SPOPL: variants seen among roughly 807,000 people sequenced by gnomAD.
SPOPL encodes the protein speckle-type POZ protein-like.
In SPOPL, 23 loss-of-function variants were observed where a neutral mutation model predicts 53.8. That is an observed-to-expected ratio of 0.43 (90% confidence interval 0.31 to 0.61). The LOEUF is 0.61. SPOPL is among the 20% of genes least tolerant of loss of function. The pLI is 0.12. For missense variants in SPOPL, 442 were observed against 466.9 expected, an observed-to-expected ratio of 0.95 and a Z score of 0.49; for synonymous variants, 164 against 149.7, an observed-to-expected ratio of 1.10 and a Z score of -0.70.
At position 138,572,737 on chromosome 2, in the gene SPOPL, A is replaced by C. The variant is rs970177151; in HGVS notation, c.*3657A>C. On this transcript the variant is annotated 3_prime_UTR_variant, in exon 11 of 11. Transcript: ENST00000280098. The stretch of plus-strand genomic sequence containing the variant: ...TATTTTACAAACCTTTTTTATACAA[A>C]TTAATGAGCTCTACTTTATTTAAGT... 3 of 152,612 alleles carry C rather than the reference A, an allele frequency of 2.0e-5. No homozygotes were observed. Among genetic ancestry groups the C allele is most frequent in the African/African-American group, 7.2e-5 (3 of 41,456 alleles). 9.5% of individuals were successfully genotyped at this position (152,612 alleles called of 1,614,324 possible). A position where few individuals can be genotyped will look rare whatever the true frequency, so the allele number is the denominator to read the frequency against.
At chr2:138,545,700 A>C (rs925454490) in intron 1 of SPOPL, among the ~76,000 whole-genome samples, 1 of 151,820 alleles carries the variant, frequency 6.6e-6, no homozygotes, top group Non-Finnish European at 1.5e-5. Context: ...CGGCCTCCCA[A>C]AGTGCTGGGA....
intron 1 of SPOPL, among the ~76,000 whole-genome samples, chr2:138,525,332 C>T (rs775709370): frequency 4.6e-5 from 7 of 152,132 alleles, no homozygotes; most frequent in African/African-American, 1.7e-4. Context: ...TCGGGTTCCT[C>T]CCACAACACA....
chr2:138,531,154 A>C (rs1334316318), intron 1 of SPOPL, among the ~76,000 whole-genome samples: 4 of 151,806 alleles, frequency 2.6e-5, no homozygotes, highest in African/African-American at 9.7e-5. Context: ...GTATAAATGT[A>C]ATTATAAATA....
At chr2:138,550,813 TTCTCTCTCTCTCTTTC>T in intron 3 of SPOPL, 74 bp from the exon 4 acceptor site, 5 of 1,244,872 alleles carry the variant, frequency 4.0e-6, no homozygotes, top group Non-Finnish European at 3.3e-6. Context: ...GATTTCAGTG[TTCTCTCTCTCTCTTTC>T]TCTCTCTCTC....
intron 1 of SPOPL, among the ~76,000 whole-genome samples, chr2:138,531,276 A>G (rs2104873671): frequency 6.6e-6 from 1 of 152,176 alleles, no homozygotes; most frequent in East Asian, 1.9e-4. Flanking sequence ...AGATTACAGT[A>G]TACTTCATGG....
chr2:138,547,093 G>A (rs147838061), intron 1 of SPOPL, among the ~76,000 whole-genome samples: 99 of 152,194 alleles, frequency 6.5e-4, no homozygotes, highest in African/African-American at 2.2e-3. Context: ...AGCCTCCGGA[G>A]TAGCTGGCAT....
chr2:138,517,823 G>T (rs1684474537), intron 1 of SPOPL, among the ~76,000 whole-genome samples: 1 of 151,850 alleles, frequency 6.6e-6, no homozygotes, highest in Non-Finnish European at 1.5e-5. Flanking sequence ...GAGGCGGGCG[G>T]ATCACCTGAG....
Position 138,573,239 on chromosome 2 carries a change from G to T in SPOPL, c.*4159G>T, listed in dbSNP as rs1300279509. 1 of 151,964 alleles carries T rather than the reference G, an allele frequency of 6.6e-6. No individual in the cohort carries two copies. The highest frequency in any genetic ancestry group is 1.5e-5 in the Non-Finnish European group (1 of 67,974). 9.4% of individuals were successfully genotyped at this position (151,964 alleles called of 1,614,324 possible). A position where few individuals can be genotyped will look rare whatever the true frequency, so the allele number is the denominator to read the frequency against. ...GTTACTACTTATTCAAGATTAATTG[G>T]CTTATCTTGTGTTTATTTGAAGAAT... On this transcript the variant is annotated 3_prime_UTR_variant, in exon 11 of 11. Coordinates refer to ENST00000280098, the MANE Select transcript of SPOPL (RefSeq NM_001001664.3).
At chr2:138,567,765 G>C (rs556408181) in intron 10 of SPOPL, among the ~76,000 whole-genome samples, 1 of 152,262 alleles carries the variant, frequency 6.6e-6, no homozygotes, top group African/African-American at 2.4e-5. Context: ...AGTGGGGCTA[G>C]AGAGAAAAGA....
chr2:138,566,050 G>A (rs2104907385), intron 10 of SPOPL, among the ~76,000 whole-genome samples: 1 of 152,056 alleles, frequency 6.6e-6, no homozygotes, highest in East Asian at 1.9e-4. Flanking sequence ...TTTTAAAGAA[G>A]GAAATGAATT....
chr2:138,558,672 A>C (rs1262433266), intron 5 of SPOPL, among the ~76,000 whole-genome samples: 1 of 152,126 alleles, frequency 6.6e-6, no homozygotes, highest in Non-Finnish European at 1.5e-5. Flanking sequence ...AAAATAAAAA[A>C]AATTTTTTTC....
intron 5 of SPOPL, 101 bp from the exon 6 acceptor site, chr2:138,558,921 T>C: frequency 1.1e-6 from 1 of 941,218 alleles, no homozygotes; most frequent in East Asian, 2.9e-5. Flanking sequence ...TACATTGAAT[T>C]ATCCAAATAA....
In SPOPL at chr2:138,550,533, T is replaced by C. The variant is rs1558876123; in HGVS notation, c.129T>C (p.Phe43=). The C allele has an allele frequency of 6.2e-7, 1 of 1,612,040 alleles. No homozygotes were observed. Among genetic ancestry groups the C allele is most frequent in the South Asian group, 1.1e-5 (1 of 90,930 alleles). ...SYMWTINNFS[F]CREEMGEVLK... Reference sequence around the variant, plus strand: ...TGTGGACCATTAATAACTTCAGTTTTTGTCGAGAGGAAATGGGTGAAGTGT... The same window carrying C: ...TGTGGACCATTAATAACTTCAGTTTCTGTCGAGAGGAAATGGGTGAAGTGT... Residue 43 remains phenylalanine, a synonymous_variant, in exon 3 of 11, where the codon TTT becomes TTC. Coordinates refer to ENST00000280098, the MANE Select transcript of SPOPL (RefSeq NM_001001664.3).
intron 7 of SPOPL, among the ~76,000 whole-genome samples, chr2:138,560,135 C>A (rs1685512758): frequency 6.6e-6 from 1 of 152,134 alleles, no homozygotes; most frequent in Non-Finnish European, 1.5e-5. Flanking sequence ...AATACAAAAA[C>A]ACGCAGTAAA....
chr2:138,552,469 C>A, intron 4 of SPOPL, 85 bp from the exon 5 acceptor site: 1 of 1,454,302 alleles, frequency 6.9e-7, no homozygotes, highest in Non-Finnish European at 9.2e-7. Context: ...GTCCTGTTTT[C>A]ACACATTTTA....
chr2:138,560,762 C>CTT (rs35560905), intron 7 of SPOPL, 43 bp from the exon 8 acceptor site: 121 of 1,329,162 alleles, frequency 9.1e-5, no homozygotes, highest in African/African-American at 3.7e-4. Flanking sequence ...TTTGTGTGTA[C>CTT]TTTTTTTTTT....
In SPOPL at chr2:138,568,970, A is replaced by C. The variant is rs772440116; in HGVS notation, c.1069A>C (p.Lys357Gln). The C allele has an allele frequency of 1.9e-6, 3 of 1,614,062 alleles. No individual in the cohort carries two copies. The South Asian group carries it at 3.3e-5, about 18-fold the overall frequency. Residue 357 changes from lysine to glutamine, a missense_variant, in exon 11 of 11, where the codon AAG becomes CAG. Lys to Gln is a moderately conservative substitution (Grantham distance 53). Coordinates refer to ENST00000280098, the MANE Select transcript of SPOPL (RefSeq NM_001001664.3). ...ATDIMETSGWKSMIQSHPHLV... is the reference protein window; with the variant it reads ...ATDIMETSGWQSMIQSHPHLV... ...CGACATAATGGAAACATCAGGGTGG[A>C]AGTCCATGATTCAGTCTCACCCTCA...
intron 7 of SPOPL, among the ~76,000 whole-genome samples, 197 bp from the exon 8 acceptor site, chr2:138,560,608 C>T (rs890512072): frequency 2.0e-5 from 3 of 152,018 alleles, no homozygotes; most frequent in African/African-American, 7.2e-5. Context: ...GTCCACTTCA[C>T]TTTGCCGAAG....
intron 8 of SPOPL, among the ~76,000 whole-genome samples, chr2:138,561,873 C>T (rs1299224634): frequency 6.6e-6 from 1 of 152,006 alleles, no homozygotes; most frequent in Non-Finnish European, 1.5e-5. Context: ...GCCCCCCTCC[C>T]TCTCTACCCC....
Sources: allele counts gnomAD v4.1 joint callset (sites outside exome capture counted in the v4.1 genomes callset), GRCh38; gene constraint gnomAD v4.1.1; transcripts MANE v1.5; gene names NCBI Gene and HGNC (gene_info 2026-07-23, HGNC 2026-07-21).